Variants in DPP10 observed in about 807,000 individuals in gnomAD.
DPP10 encodes inactive dipeptidyl peptidase 10.
A neutral mutation model predicts 120.9 loss-of-function variants in DPP10; 33 were observed. That is an observed-to-expected ratio of 0.27 (90% CI 0.21 to 0.37). DPP10 has a LOEUF of 0.37. DPP10 is among the 10% of genes least tolerant of loss of function. DPP10 has a pLI of 1.00. For missense variants in DPP10, 816 were observed against 942.8 expected (o/e 0.87, Z 1.76); for synonymous variants, 337 against 326.1 (o/e 1.03, Z -0.36).
intron 1 of DPP10, among the ~76,000 whole-genome samples, chr2:114,939,627 A>G (rs1696748751): frequency 6.6e-6 from 1 of 152,120 alleles, no homozygotes; most frequent in African/African-American, 2.4e-5. Flanking sequence ...AAATCTGTCA[A>G]TTTTAATTGA....
intron 1 of DPP10, among the ~76,000 whole-genome samples, chr2:114,474,417 G>A (rs139870891): frequency 6.6e-6 from 1 of 152,190 alleles, no homozygotes; most frequent in Non-Finnish European, 1.5e-5. Context: ...CTTTTTCCTG[G>A]CCAAGTCAAC....
chr2:115,764,350 C>T lies in DPP10; in HGVS notation c.1113+1740C>T, dbSNP rs575425148. The stretch of plus-strand genomic sequence containing the variant: ...CAGATAAATGTTTGTATATATATTA[C>T]GAGTATATGTGTCTTTGCACATGGT... On this transcript the variant is annotated intron_variant, in intron 12 of 25. Transcript: ENST00000410059. 4.0e-4 allele frequency among the ~76,000 whole-genome samples: 61 copies of T among 151,898 alleles called. No homozygotes were observed. In the South Asian group the frequency reaches 9.1e-3, roughly 23 times the overall value.
chr2:115,347,403 A>G (rs564142020), intron 3 of DPP10, among the ~76,000 whole-genome samples: 1 of 152,142 alleles, frequency 6.6e-6, no homozygotes, highest in Admixed American at 6.6e-5. Flanking sequence ...TCCTTGTGAC[A>G]GCTCCTACAC....
intron 3 of DPP10, among the ~76,000 whole-genome samples, chr2:115,490,170 C>T (rs1216549004): frequency 3.3e-5 from 5 of 151,992 alleles, no homozygotes; most frequent in African/African-American, 1.2e-4. Flanking sequence ...TAAAGAAATA[C>T]CTGAGACTGG....
intron 19 of DPP10, among the ~76,000 whole-genome samples, chr2:115,800,580 A>T (rs1685094780): frequency 6.6e-6 from 1 of 152,024 alleles, no homozygotes; most frequent in African/African-American, 2.4e-5. Flanking sequence ...TCTAACGTTT[A>T]AGTCTTTAAT....
At chr2:115,011,041 A>G (rs1017442837) in intron 1 of DPP10, among the ~76,000 whole-genome samples, 3 of 152,198 alleles carry the variant, frequency 2.0e-5, no homozygotes, top group African/African-American at 4.8e-5. Context: ...TGTTTGATCC[A>G]TGGTTATTTA....
At chr2:114,912,153 CAT>C (rs1209732888) in intron 1 of DPP10, among the ~76,000 whole-genome samples, 3 of 152,130 alleles carry the variant, frequency 2.0e-5, no homozygotes, top group African/African-American at 7.2e-5. Context: ...CACACACACA[CAT>C]GCATATACAT....
intron 1 of DPP10, among the ~76,000 whole-genome samples, chr2:114,820,675 A>G (rs1347057965): frequency 2.0e-5 from 3 of 152,194 alleles, no homozygotes; most frequent in Non-Finnish European, 4.4e-5. Flanking sequence ...AGCCCTCTAT[A>G]TAAAACCATC....
At chr2:114,878,318 T>A (rs1423063105) in intron 1 of DPP10, among the ~76,000 whole-genome samples, 1 of 152,112 alleles carries the variant, frequency 6.6e-6, no homozygotes, top group African/African-American at 2.4e-5. Flanking sequence ...ACATAATAAC[T>A]GTACATAGTT....
intron 1 of DPP10, among the ~76,000 whole-genome samples, chr2:115,134,438 AT>A (rs2050542188): frequency 6.6e-6 from 1 of 152,196 alleles, no homozygotes; most frequent in Non-Finnish European, 1.5e-5. Context: ...ATTCAAAACA[AT>A]CATATGAAAT....
intron 3 of DPP10, among the ~76,000 whole-genome samples, chr2:115,425,309 A>C (rs1019473349): frequency 6.6e-6 from 1 of 152,214 alleles, no homozygotes; most frequent in Non-Finnish European, 1.5e-5. Flanking sequence ...ATTTGCTTAC[A>C]AATGCTTACT....
intron 1 of DPP10, among the ~76,000 whole-genome samples, chr2:114,597,457 GTTT>G (rs1323178202): frequency 6.6e-6 from 1 of 151,904 alleles, no homozygotes; most frequent in Non-Finnish European, 1.5e-5. Flanking sequence ...GAAAAACAGT[GTTT>G]TTTATTATAC....
chr2:114,760,153 C>A (rs1371562791), intron 1 of DPP10, among the ~76,000 whole-genome samples: 1 of 152,194 alleles, frequency 6.6e-6, no homozygotes, highest in Non-Finnish European at 1.5e-5. Context: ...ATCCTCTTTA[C>A]CAGGCAGGTG....
chr2:114,614,219 A>G (rs1444749837), intron 1 of DPP10, among the ~76,000 whole-genome samples: 2 of 152,178 alleles, frequency 1.3e-5, no homozygotes, highest in Admixed American at 1.3e-4. Context: ...TCTACTCCAC[A>G]TCACCGGATT....
intron 1 of DPP10, among the ~76,000 whole-genome samples, chr2:115,284,592 A>G (rs2060290483): frequency 6.6e-6 from 1 of 152,028 alleles, no homozygotes; most frequent in Non-Finnish European, 1.5e-5. Flanking sequence ...GTGGGGTAGA[A>G]AAAAGTAAAT....
At chr2:114,447,718 C>T (rs1280021930) in intron 1 of DPP10, among the ~76,000 whole-genome samples, 1 of 151,538 alleles carries the variant, frequency 6.6e-6, no homozygotes, top group African/African-American at 2.4e-5. Context: ...TCTACAGCAA[C>T]TGATTTCACC....
rs59185016 is a variant in DPP10 at position 115,402,949 on chromosome 2, GTA to G, written c.271+59051_271+59052del. ...TATATGTATATATATATGTGTGTGT[GTA>G]TATATATATATATGTATATATATAT... is the stretch of plus-strand genomic sequence containing the variant. On this transcript the variant is annotated intron_variant, in intron 3 of 25. Coordinates refer to ENST00000410059, the MANE Select transcript of DPP10 (RefSeq NM_020868.6). 5.4e-3 allele frequency among the ~76,000 whole-genome samples: 760 copies of G among 140,950 alleles called. 5 individuals carry two copies. The highest frequency in any genetic ancestry group is 0.018 in the African/African-American group (673 of 37,694). 92.5% of individuals were successfully genotyped at this position (140,950 alleles called of 152,430 possible).
chr2:115,673,434 G>A (rs1033831201), intron 5 of DPP10, among the ~76,000 whole-genome samples: 1 of 151,988 alleles, frequency 6.6e-6, no homozygotes, highest in African/African-American at 2.4e-5. Context: ...TTATAATATT[G>A]AATGCAATTG....
At chr2:115,716,809 T>C (rs556384783) in intron 7 of DPP10, among the ~76,000 whole-genome samples, 1 of 152,192 alleles carries the variant, frequency 6.6e-6, no homozygotes, top group South Asian at 2.1e-4. Context: ...GTGGGAAAAA[T>C]GTGCATGGGA....
Sources: allele counts gnomAD v4.1 joint callset (sites outside exome capture counted in the v4.1 genomes callset), GRCh38; gene constraint gnomAD v4.1.1; transcripts MANE v1.5; gene names NCBI Gene and HGNC (gene_info 2026-07-23, HGNC 2026-07-21).